Variants in SPAG9 observed in about 807,000 individuals in gnomAD.
The protein encoded by SPAG9 is sperm associated antigen 9.
SPAG9 carries 35 observed loss-of-function variants against 166.5 expected under a neutral mutation model. The observed-to-expected ratio is 0.21, with a 90% CI of 0.16 to 0.28. The LOEUF (loss-of-function observed/expected upper bound fraction) is 0.28. Among genes scored for constraint, SPAG9 ranks in the 10% least tolerant of loss-of-function variants. SPAG9 has a pLI of 1.00. For missense variants in SPAG9, 1,235 were observed against 1,603.3 expected (o/e 0.77, Z 3.92); for synonymous variants, 534 against 565.5 (o/e 0.94, Z 0.79).
intron 25 of SPAG9, among the ~76,000 whole-genome samples, chr17:50,980,224 G>A (rs181878465): frequency 4.6e-5 from 7 of 152,036 alleles, no homozygotes; most frequent in African/African-American, 1.7e-4. Flanking sequence ...TTATTTTTGA[G>A]ACAGAGTCTT....
intron 2 of SPAG9, among the ~76,000 whole-genome samples, chr17:51,070,093 A>C (rs2144590152): frequency 6.6e-6 from 1 of 151,998 alleles, no homozygotes; most frequent in South Asian, 2.1e-4. Flanking sequence ...ACAAAAAAAA[A>C]ACCTGTACTC....
chr17:51,052,928 G>A (rs759825983), intron 3 of SPAG9, among the ~76,000 whole-genome samples: 6 of 151,814 alleles, frequency 4.0e-5, no homozygotes, highest in Non-Finnish European at 7.4e-5. Flanking sequence ...GCGTGGTGGT[G>A]CACTCCTGTA....
In SPAG9 at chr17:50,990,613, T is replaced by C. The variant is rs1315706151; in HGVS notation, c.2454A>G (p.Val818=). The part of the protein sequence containing the change: ...AGEDLSESGQ[V]DKASLCGSMT... ...TACTTCCACATAAAGATGCTTTGTC[T>C]ACCTGACCAGATTCTGAAAGATCTT... The change falls in exon 20 of 30, where the codon GTA becomes GTG. Residue 818 remains valine, a synonymous_variant. Coordinates refer to ENST00000262013, the MANE Select transcript of SPAG9 (RefSeq NM_001130528.3). 3 of 1,614,238 alleles carry C rather than the reference T, an allele frequency of 1.9e-6. No homozygotes were observed. Among genetic ancestry groups the C allele is most frequent in the Non-Finnish European group, 8.5e-7 (1 of 1,180,044 alleles).
intron 21 of SPAG9, among the ~76,000 whole-genome samples, chr17:50,989,234 G>T (rs1196749167): frequency 1.3e-5 from 2 of 152,136 alleles, no homozygotes; most frequent in Admixed American, 1.3e-4. Flanking sequence ...TTACCGTTAT[G>T]TTCCAATTAT....
chr17:51,061,146 G>A (rs543864352), intron 2 of SPAG9, among the ~76,000 whole-genome samples: 24 of 151,384 alleles, frequency 1.6e-4, no homozygotes, highest in Middle Eastern at 6.8e-3. Flanking sequence ...GCGCCCCACC[G>A]AGAGAAGCTT....
chr17:51,091,355 GC>G (rs2048459618), intron 1 of SPAG9, among the ~76,000 whole-genome samples: 1 of 151,488 alleles, frequency 6.6e-6, no homozygotes, highest in East Asian at 1.9e-4. Context: ...TTAATTGCTT[GC>G]CAGTGGCATG....
At chr17:51,119,123 C>A (rs1324254480) in intron 1 of SPAG9, among the ~76,000 whole-genome samples, 1 of 150,286 alleles carries the variant, frequency 6.7e-6, no homozygotes, top group Non-Finnish European at 1.5e-5. Flanking sequence ...AACTAAAAAT[C>A]ATCACTACAG....
chr17:50,975,947 G>A (rs888204186), intron 27 of SPAG9: 2 of 1,437,994 alleles, frequency 1.4e-6, no homozygotes, highest in Admixed American at 2.0e-5. Context: ...GTGCATGACA[G>A]GGAGGAGAGA....
chr17:50,974,703 A>G, intron 28 of SPAG9, 68 bp downstream of exon 28: 4 of 1,362,422 alleles, frequency 2.9e-6, no homozygotes, highest in Non-Finnish European at 4.0e-6. Context: ...ACTATTAGGT[A>G]GTGGAACCAA....
At chr17:50,980,501 G>T (rs1974518362) in intron 25 of SPAG9, among the ~76,000 whole-genome samples, 1 of 150,266 alleles carries the variant, frequency 6.7e-6, no homozygotes, top group Non-Finnish European at 1.5e-5. Context: ...CACCGCACCT[G>T]GCCTAACAGA....
At chr17:50,985,077 A>G in intron 23 of SPAG9, 87 bp from the exon 24 acceptor site, 1 of 1,118,402 alleles carries the variant, frequency 8.9e-7, no homozygotes, top group Non-Finnish European at 1.4e-6. Context: ...AGGCCTCACA[A>G]AGGGCCAATC....
intron 19 of SPAG9, among the ~76,000 whole-genome samples, chr17:50,993,205 A>G (rs1975760881): frequency 1.3e-5 from 2 of 151,114 alleles, no homozygotes; most frequent in African/African-American, 4.9e-5. Context: ...AATTCCAGCT[A>G]CTCGGGAGGC....
chr17:51,107,016 C>T (rs1213276043), intron 1 of SPAG9, among the ~76,000 whole-genome samples: 3 of 151,216 alleles, frequency 2.0e-5, no homozygotes, highest in South Asian at 2.1e-4. Flanking sequence ...GCAGAAGAAT[C>T]GCTTGAACCC....
At chr17:51,088,285 T>C (rs1002672917) in intron 1 of SPAG9, among the ~76,000 whole-genome samples, 2 of 152,210 alleles carry the variant, frequency 1.3e-5, no homozygotes, top group Non-Finnish European at 2.9e-5. Context: ...TTAGGCAGCA[T>C]GATGATATTT....
intron 1 of SPAG9, among the ~76,000 whole-genome samples, chr17:51,104,561 G>A (rs958061506): frequency 3.9e-5 from 6 of 152,094 alleles, no homozygotes; most frequent in South Asian, 2.1e-4. Context: ...GCTTGAACCC[G>A]GGAGGTGGAG....
chr17:50,989,240 A>G (rs911047385), intron 21 of SPAG9, among the ~76,000 whole-genome samples: 3 of 152,188 alleles, frequency 2.0e-5, no homozygotes, highest in Non-Finnish European at 4.4e-5. Flanking sequence ...TTATGTTCCA[A>G]TTATCTACAG....
At chr17:50,979,380 G>GAAAAAA (rs76167072) in intron 26 of SPAG9, among the ~76,000 whole-genome samples, 4 of 76,080 alleles carry the variant, frequency 5.3e-5, no homozygotes, top group African/African-American at 9.7e-5. Flanking sequence ...TTGAAAAAAA[G>GAAAAAA]AAAAAAAAAA....
intron 12 of SPAG9, among the ~76,000 whole-genome samples, chr17:51,002,532 C>T (rs866420054): frequency 5.9e-5 from 9 of 151,988 alleles, no homozygotes; most frequent in Admixed American, 5.2e-4. Flanking sequence ...CCTGTAGTCG[C>T]GGCACTTTGG....
intron 5 of SPAG9, among the ~76,000 whole-genome samples, chr17:51,037,456 C>T (rs955883231): frequency 2.0e-5 from 3 of 150,904 alleles, no homozygotes; most frequent in Non-Finnish European, 4.4e-5. Flanking sequence ...CTACTAAAAA[C>T]ACAAAAATTA....
Sources: allele counts gnomAD v4.1 joint callset (sites outside exome capture counted in the v4.1 genomes callset), GRCh38; gene constraint gnomAD v4.1.1; transcripts MANE v1.5; gene names NCBI Gene and HGNC (gene_info 2026-07-23, HGNC 2026-07-21).